The following RGS5 variants were observed in gnomAD, a reference collection of about 807,000 sequenced individuals.
RGS5 encodes regulator of G-protein signalling 5.
A neutral mutation model predicts 18.9 loss-of-function variants in RGS5; 20 were observed. The observed-to-expected ratio is 1.06, with a 90% CI of 0.74 to 1.54. The LOEUF (loss-of-function observed/expected upper bound fraction) is 1.54, where lower values mean the gene tolerates loss of function less well. Ranked by LOEUF, RGS5 falls within the 40% of genes most tolerant of loss-of-function variation. RGS5 has a pLI of 0.00. For missense variants in RGS5, 201 were observed against 211.8 expected, an observed-to-expected ratio of 0.95 and a Z score of 0.32; for synonymous variants, 57 against 76.2, an observed-to-expected ratio of 0.75 and a Z score of 1.31.
chr1:163,185,742 G>T (rs946778157), intron 1 of RGS5, among the ~76,000 whole-genome samples: 2 of 152,182 alleles, frequency 1.3e-5, no homozygotes, highest in African/African-American at 2.4e-5. Context: ...AACATTAAGA[G>T]AAACCACACA....
At chr1:163,215,306 T>C (rs560571521) in intron 1 of RGS5, among the ~76,000 whole-genome samples, 1 of 152,312 alleles carries the variant, frequency 6.6e-6, no homozygotes, top group African/African-American at 2.4e-5. Flanking sequence ...TACTCCAAAC[T>C]CATGTTGCTA....
chr1:163,248,993 G>T (rs988853592), intron 2 of RGS5, among the ~76,000 whole-genome samples: 1 of 152,154 alleles, frequency 6.6e-6, no homozygotes, highest in Non-Finnish European at 1.5e-5. Flanking sequence ...AGGTGAAAAA[G>T]CCCTGTTCCT....
chr1:163,314,348 T>G (rs768491972), intron 1 of RGS5, among the ~76,000 whole-genome samples: 12 of 152,232 alleles, frequency 7.9e-5, no homozygotes, highest in Non-Finnish European at 1.5e-4. Flanking sequence ...TATTACTTGG[T>G]ACTTATATAG....
At chr1:163,319,940 TAA>T (rs1009143036) in intron 1 of RGS5, among the ~76,000 whole-genome samples, 1 of 152,224 alleles carries the variant, frequency 6.6e-6, no homozygotes, top group African/African-American at 2.4e-5. Context: ...CTAAAAGTTT[TAA>T]AAAGTCAGAT....
In RGS5 at chr1:163,270,182, T is replaced by C. The variant is rs986788263; in HGVS notation, c.-281+36051A>G. On this transcript the variant is annotated intron_variant, in intron 2 of 5. Coordinates refer to the RGS5 transcript ENST00000618415. The stretch of plus-strand genomic sequence containing the variant: ...ACTTCCTCTAATCGCTCAGAGATGT[T>C]TGAATTCTTGACACAGTTCTTTTTC... 3.9e-5 allele frequency among the ~76,000 whole-genome samples: 6 copies of C among 152,154 alleles called. No individual in the cohort carries two copies. In the South Asian group the frequency reaches 6.2e-4, roughly 16 times the overall value.
At chr1:163,187,891 G>T (rs1213060303) in intron 1 of RGS5, among the ~76,000 whole-genome samples, 1 of 152,142 alleles carries the variant, frequency 6.6e-6, no homozygotes, top group African/African-American at 2.4e-5. Context: ...CTGGTAGGGG[G>T]AGTGGTCTTG....
intron 1 of RGS5, among the ~76,000 whole-genome samples, chr1:163,194,183 T>C (rs752433073): frequency 2.4e-4 from 37 of 152,300 alleles, no homozygotes; most frequent in Non-Finnish European, 3.2e-4. Flanking sequence ...TATTAATATA[T>C]ACTTTTCACA....
chr1:163,278,350 G>A (rs1648908844), intron 2 of RGS5, among the ~76,000 whole-genome samples: 1 of 152,046 alleles, frequency 6.6e-6, no homozygotes, highest in Non-Finnish European at 1.5e-5. Context: ...AGAAAAAACT[G>A]CTGGAAAAAA....
intron 1 of RGS5, among the ~76,000 whole-genome samples, chr1:163,178,074 G>A (rs1257742549): frequency 2.6e-5 from 4 of 152,090 alleles, no homozygotes; most frequent in African/African-American, 7.2e-5. Flanking sequence ...AGGCCAAGGC[G>A]GGTGGATCAC....
intron 1 of RGS5, among the ~76,000 whole-genome samples, chr1:163,171,544 T>A (rs1387746189): frequency 6.6e-5 from 10 of 152,210 alleles, no homozygotes; most frequent in South Asian, 2.1e-4. Context: ...TGTTTTGGTT[T>A]TAACTTTATC....
At chr1:163,235,011 A>T (rs1426896624) in intron 2 of RGS5, among the ~76,000 whole-genome samples, 4 of 152,224 alleles carry the variant, frequency 2.6e-5, no homozygotes, top group African/African-American at 9.6e-5. Flanking sequence ...CATTTTGTTG[A>T]TCAAAGCAAG....
At chr1:163,218,544 AT>A (rs34394471), upstream of RGS5, among the ~76,000 whole-genome samples, 1 of 151,742 alleles carries the variant, frequency 6.6e-6, no homozygotes, top group Non-Finnish European at 1.5e-5. Flanking sequence ...ATTTCAATTT[AT>A]TTTTTTCTGT....
chr1:163,218,166 A>C (rs548325956), upstream of RGS5, among the ~76,000 whole-genome samples: 18 of 152,320 alleles, frequency 1.2e-4, no homozygotes, highest in Middle Eastern at 3.4e-3. Context: ...TCAGGGCTCC[A>C]TGTGTCTCAG....
At chr1:163,297,531 C>T (rs1553697) in intron 2 of RGS5, among the ~76,000 whole-genome samples, 22,246 of 151,934 alleles carry the variant, frequency 0.15, 1,940 homozygotes, top group Non-Finnish European at 0.19. Flanking sequence ...TTTTCCTAGC[C>T]ATCTCCTCTT....
chr1:163,163,795 A>C (rs948517161), intron 2 of RGS5, among the ~76,000 whole-genome samples: 1 of 152,350 alleles, frequency 6.6e-6, no homozygotes, highest in South Asian at 2.1e-4. Context: ...AAAAGAAAGT[A>C]GCTCAGAGCA....
At chr1:163,223,075 C>T (rs973140661) in intron 2 of RGS5, among the ~76,000 whole-genome samples, 4 of 152,012 alleles carry the variant, frequency 2.6e-5, no homozygotes, top group African/African-American at 7.3e-5. Flanking sequence ...AAACTCCTGA[C>T]CTCAGGTGAT....
At chr1:163,162,075 G>C in intron 2 of RGS5, 99 bp from the exon 3 acceptor site, 1 of 827,594 alleles carries the variant, frequency 1.2e-6, no homozygotes, top group Non-Finnish European at 2.1e-6. Flanking sequence ...AGATGGAAAT[G>C]ATATGACTGC....
chr1:163,282,047 G>GCA lies in RGS5; in HGVS notation c.-281+24184_-281+24185dup, dbSNP rs76600062. Among the ~76,000 whole-genome samples, 113 of 130,436 alleles carry GCA rather than the reference G, an allele frequency of 8.7e-4. 1 individual carries two copies. The highest frequency in any genetic ancestry group is 4.4e-3 in the South Asian group (18 of 4,060). 85.6% of individuals were successfully genotyped at this position (130,436 alleles called of 152,430 possible). On this transcript the variant is annotated intron_variant, in intron 2 of 5. Transcript: ENST00000618415. ...TGAGACTTCAGAAGTGCACGCGCGCGCACACACACACACACACACAAACAA... is the reference window on the plus strand; with the variant it reads ...TGAGACTTCAGAAGTGCACGCGCGCGCACACACACACACACACACACAAACAA...
rs1305858620 is a variant in RGS5 at position 163,172,721 on chromosome 1, C to G, written c.45-4353G>C. On this transcript the variant is annotated intron_variant, in intron 1 of 4. Transcript: ENST00000313961. ...GTTAAGAGTATTTAAGTTGTGAAGT[C>G]TATTAAATTTAATTAGGAGTTCATT... is the stretch of plus-strand genomic sequence containing the variant. 6 of 1,038,240 alleles carry G rather than the reference C, an allele frequency of 5.8e-6. No homozygotes were observed. The South Asian group carries it at 1.2e-4, about 20-fold the overall frequency. The allele number at this position is 1,038,240 out of a possible 1,614,324, so 64.3% of individuals were successfully genotyped here. A position where few individuals can be genotyped will look rare whatever the true frequency, so the allele number is the denominator to read the frequency against.
Sources: gnomAD v4.1 joint callset for allele counts (sites outside exome capture counted in the v4.1 genomes callset) on GRCh38, gnomAD v4.1.1 for gene constraint, MANE v1.5 for transcripts, NCBI Gene and HGNC (gene_info 2026-07-23, HGNC 2026-07-21) for gene names.